The following EIF3CL variants were observed in gnomAD, a reference collection of about 807,000 sequenced individuals.
The protein encoded by EIF3CL is eukaryotic translation initiation factor 3 subunit C like.
For missense variants in EIF3CL, 5 were observed against 56.1 expected (o/e 0.09, Z 2.91); for synonymous variants, 2 against 19.6 (o/e 0.10, Z 2.37).
At chr16:28,410,824 A>T in the EIF3CL span, among the ~76,000 whole-genome samples, 2 of 130,862 alleles carry the variant, frequency 1.5e-5, no homozygotes, top group Non-Finnish European at 3.3e-5. Context: ...CTGGTCTCGA[A>T]CTCCTGGCCT....
At chr16:28,418,026 G>C in the EIF3CL span, among the ~76,000 whole-genome samples, 2 of 146,554 alleles carry the variant, frequency 1.4e-5, no homozygotes, top group Non-Finnish European at 3.0e-5. Flanking sequence ...CTGGGCAACA[G>C]GAGTGAGACT....
the EIF3CL span, among the ~76,000 whole-genome samples, chr16:28,416,883 T>TGGG: frequency 3.0e-5 from 2 of 65,628 alleles, no homozygotes; most frequent in Non-Finnish European, 6.4e-5. Context: ...GGGAGGGAGG[T>TGGG]GGGGGGGGTC....
At chr16:28,416,988 C>T in the EIF3CL span, among the ~76,000 whole-genome samples, 2 of 97,260 alleles carry the variant, frequency 2.1e-5, no homozygotes, top group African/African-American at 7.5e-5. Context: ...TCTGCCCGGC[C>T]AGCCGCCCCG....
At chr16:28,418,857 T>G in the EIF3CL span, among the ~76,000 whole-genome samples, 1 of 139,860 alleles carries the variant, frequency 7.2e-6, no homozygotes, top group African/African-American at 2.6e-5. Context: ...CTCGAACTCC[T>G]GACGTCAGGT....
At chr16:28,422,318 A>C in the EIF3CL span, among the ~76,000 whole-genome samples, 1 of 86,858 alleles carries the variant, frequency 1.2e-5, no homozygotes, top group Non-Finnish European at 2.6e-5. Flanking sequence ...GCTCACTGCA[A>C]CCTCCACCTC....
the EIF3CL span, among the ~76,000 whole-genome samples, chr16:28,422,678 C>CA: frequency 2.9e-4 from 42 of 144,446 alleles, no homozygotes; most frequent in South Asian, 2.1e-3. Flanking sequence ...ACTAAAAATA[C>CA]AAAAAAAAAT....
At chr16:28,421,690 G>A in the EIF3CL span, among the ~76,000 whole-genome samples, 2 of 33,472 alleles carry the variant, frequency 6.0e-5, no homozygotes, top group African/African-American at 1.1e-4. Flanking sequence ...GCCTGGTGGC[G>A]TGTGCCTGTA....
the EIF3CL span, chr16:28,414,629 G>C: frequency 5.5e-5 from 16 of 290,982 alleles, no homozygotes; most frequent in Non-Finnish European, 8.2e-5. Context: ...AGATTCAGAC[G>C]GCTGACTGCT....
At chr16:28,416,824 C>G in the EIF3CL span, among the ~76,000 whole-genome samples, 2 of 84,734 alleles carry the variant, frequency 2.4e-5, no homozygotes, top group African/African-American at 8.4e-5. Context: ...TGCCCGGCCG[C>G]CCCTACTGGG....
intron 2 of EIF3CL, among the ~76,000 whole-genome samples, chr16:28,402,403 C>T (rs1354461911): frequency 7.2e-6 from 1 of 138,990 alleles, no homozygotes; most frequent in African/African-American, 2.8e-5. Context: ...GATTCTCCTG[C>T]CTCAGCCTCC....
chr16:28,403,077 C>G lies in EIF3CL; in HGVS notation c.101+441G>C, dbSNP rs1467063338. 9.7e-5 allele frequency among the ~76,000 whole-genome samples: 14 copies of G among 144,550 alleles called. 1 individual carries two copies. The highest frequency in any genetic ancestry group is 2.0e-4 in the Non-Finnish European group (13 of 65,092). 94.8% of individuals were successfully genotyped at this position (144,550 alleles called of 152,430 possible). A position where few individuals can be genotyped will look rare whatever the true frequency, so the allele number is the denominator to read the frequency against. On this transcript the variant is annotated intron_variant, in intron 2 of 20. Coordinates refer to ENST00000380876, the MANE Select transcript of EIF3CL (RefSeq NM_001317857.2). ...GGATGGGTATTTACGTAGAGGTGAA[C>G]AGGCATATAAAATGTTTAAGCACCT...
rs1596596993 is a variant in EIF3CL at position 28,391,860 on chromosome 16, A to G, written c.940-5T>C. ...GGCAAACATTTTTGGCTTCTCCTGT[A>G]TCAGTACATATCCCGTCATGTACAT... is the stretch of plus-strand genomic sequence containing the variant. On this transcript the variant is annotated splice_polypyrimidine_tract_variant and splice_region_variant and intron_variant, in intron 9 of 20. Coordinates refer to ENST00000380876, the MANE Select transcript of EIF3CL (RefSeq NM_001317857.2). 4 of 1,444,598 alleles carry G rather than the reference A, an allele frequency of 2.8e-6. No individual in the cohort carries two copies. Among genetic ancestry groups the G allele is most frequent in the African/African-American group, 1.4e-5 (1 of 69,384 alleles). The allele number at this position is 1,444,598 out of a possible 1,614,324, so 89.5% of individuals were successfully genotyped here.
At chr16:28,418,671 C>G in the EIF3CL span, among the ~76,000 whole-genome samples, 3 of 151,694 alleles carry the variant, frequency 2.0e-5, no homozygotes, top group Admixed American at 2.0e-4. Context: ...GCTCTTTTGC[C>G]TAGGCTGGAG....
the EIF3CL span, chr16:28,415,107 G>A: frequency 3.1e-6 from 1 of 323,938 alleles, no homozygotes; most frequent in Non-Finnish European, 6.1e-6. Flanking sequence ...CCCAGCTCCT[G>A]GCTTCCTCCA....
At chr16:28,403,071 G>A (rs55758123) in intron 2 of EIF3CL, among the ~76,000 whole-genome samples, 67 of 137,264 alleles carry the variant, frequency 4.9e-4, no homozygotes, top group Admixed American at 8.2e-4. Flanking sequence ...TTTACGTAGA[G>A]GTGAACAGGC....
chr16:28,396,761 G>A (rs2045654542), intron 8 of EIF3CL, among the ~76,000 whole-genome samples: 1 of 39,844 alleles, frequency 2.5e-5, no homozygotes, highest in Admixed American at 3.7e-4. Context: ...AAAATAAAGA[G>A]GATAAACAGA....
intron 2 of EIF3CL, among the ~76,000 whole-genome samples, chr16:28,402,520 C>A (rs2045662153): frequency 8.6e-6 from 1 of 115,946 alleles, no homozygotes; most frequent in East Asian, 2.6e-4. Context: ...AAACTCCTGA[C>A]CTCAAGTAAT....
At chr16:28,416,044 C>A in the EIF3CL span, among the ~76,000 whole-genome samples, 4 of 28,200 alleles carry the variant, frequency 1.4e-4, no homozygotes, top group Non-Finnish European at 2.6e-4. Context: ...GACGGGGTTT[C>A]GCTGTGTTGG....
chr16:28,416,984 C>T, the EIF3CL span, among the ~76,000 whole-genome samples: 2 of 96,422 alleles, frequency 2.1e-5, no homozygotes, highest in African/African-American at 3.8e-5. Flanking sequence ...CCGCTCTGCC[C>T]GGCCAGCCGC....
Sources: gnomAD v4.1 joint callset for allele counts (sites outside exome capture counted in the v4.1 genomes callset) on GRCh38, gnomAD v4.1.1 for gene constraint, MANE v1.5 for transcripts, NCBI Gene and HGNC (gene_info 2026-07-23, HGNC 2026-07-21) for gene names.